Variants in THNSL2 observed in about 807,000 individuals in gnomAD.
THNSL2 encodes the protein threonine synthase like 2.
Under a neutral mutation model 40.0 loss-of-function variants are expected in THNSL2, and 34 were observed. That is an observed-to-expected ratio of 0.85 (90% CI 0.65 to 1.13). The LOEUF (loss-of-function observed/expected upper bound fraction) is 1.13, where lower values mean the gene tolerates loss of function less well. Among genes scored for constraint, THNSL2 ranks in the 50% most tolerant of loss-of-function variants. THNSL2 has a pLI of 0.00. For missense variants in THNSL2, 537 were observed against 608.8 expected, an observed-to-expected ratio of 0.88 and a Z score of 1.24; for synonymous variants, 241 against 247.5, an observed-to-expected ratio of 0.97 and a Z score of 0.25.
intron 5 of THNSL2, among the ~76,000 whole-genome samples, chr2:88,181,534 C>T (rs1677680322): frequency 8.1e-6 from 1 of 122,860 alleles, no homozygotes; most frequent in African/African-American, 3.1e-5. Context: ...TCTCCCCTCT[C>T]TCTCCCCTCT....
Position 88,175,383 on chromosome 2 carries a change from A to C in THNSL2, c.553A>C (p.Asn185His), listed in dbSNP as rs1676815575. Residue 185 changes from asparagine (N) to histidine (H), a missense_variant, in exon 4 of 9, where the codon AAC becomes CAC. Asn to His is a moderately conservative substitution (Grantham distance 68). Coordinates refer to ENST00000674334, the MANE Select transcript of THNSL2 (RefSeq NM_018271.5). ...ELQMTTVLKQ[N>H]VHVFGVEGNS... is the part of the protein sequence containing the mutation. Reference sequence around the variant, plus strand: ...CCAGATGACAACGGTGCTGAAGCAGAACGTACATGTGTTTGGAGGTGTGTG... The same window carrying C: ...CCAGATGACAACGGTGCTGAAGCAGCACGTACATGTGTTTGGAGGTGTGTG... The C allele has an allele frequency of 6.2e-7, 1 of 1,614,086 alleles. No individual in the cohort carries two copies. The highest frequency in any genetic ancestry group is 1.3e-5 in the African/African-American group (1 of 74,934).
chr2:88,175,152 T>A, intron 3 of THNSL2, 97 bp from the exon 4 acceptor site: 3 of 1,312,878 alleles, frequency 2.3e-6, no homozygotes, highest in Non-Finnish European at 3.1e-6. Flanking sequence ...TTGAAGTAGA[T>A]GTTGCTATAT....
At chr2:88,183,815 C>A (rs1045473532) in intron 7 of THNSL2, 3 of 151,996 alleles carry the variant, frequency 2.0e-5, no homozygotes, top group African/African-American at 7.3e-5. Context: ...CTGAAGCTGC[C>A]TTTAATTTTC....
At chr2:88,181,645 G>T (rs958495346) in intron 5 of THNSL2, among the ~76,000 whole-genome samples, 1 of 150,972 alleles carries the variant, frequency 6.6e-6, no homozygotes, top group African/African-American at 2.4e-5. Context: ...CACATTTTAA[G>T]TGTATGATTC....
At chr2:88,178,144 T>G (rs1425294853) in intron 4 of THNSL2, among the ~76,000 whole-genome samples, 2 of 152,212 alleles carry the variant, frequency 1.3e-5, no homozygotes, top group African/African-American at 4.8e-5. Context: ...TAACTTGTAT[T>G]AGTGGACAAT....
Position 88,185,480 on chromosome 2 carries a change from G to C in THNSL2, c.1229+1G>C. On this transcript the variant is annotated splice_donor_variant, in intron 8 of 8. Coordinates refer to ENST00000674334, the MANE Select transcript of THNSL2 (RefSeq NM_018271.5). LOFTEE classifies it high-confidence loss of function. Reference sequence around the variant, plus strand: ...AGCAGATAGACAGGCAGCAGCCCAGGTACAGGCAATGGGGGCCTGGGCCAC... The same window carrying C: ...AGCAGATAGACAGGCAGCAGCCCAGCTACAGGCAATGGGGGCCTGGGCCAC... 1 of 1,604,490 alleles carries C rather than the reference G, an allele frequency of 6.2e-7. No individual in the cohort carries two copies. Among genetic ancestry groups the C allele is most frequent in the Non-Finnish European group, 8.5e-7 (1 of 1,175,318 alleles).
chr2:88,177,580 G>A (rs1386882961), intron 4 of THNSL2, among the ~76,000 whole-genome samples: 1 of 152,076 alleles, frequency 6.6e-6, no homozygotes, highest in Non-Finnish European at 1.5e-5. Context: ...CAGGGGTGGA[G>A]TGGGCTTCCA....
In THNSL2 at chr2:88,183,046, G is replaced by A. The variant is rs551694414; in HGVS notation, c.1050G>A (p.Val350=). The stretch of plus-strand genomic sequence containing the variant: ...AGCAGTTTGAAAGGACCCAAAGTGT[G>A]AATCTGCCCAAGGAACTGCACAGCA... ...LMEQFERTQS[V]NLPKELHSKL... is the part of the protein sequence containing the mutation. Residue 350 remains valine, a synonymous_variant, in exon 7 of 9, where the codon GTG becomes GTA. Transcript: ENST00000674334. 1.3e-4 allele frequency: 202 copies of A among 1,613,520 alleles called. 1 individual carries two copies. In the South Asian group the frequency reaches 2.2e-3, roughly 17 times the overall value.
intron 1 of THNSL2, chr2:88,171,753 C>T (rs1420810806): frequency 6.1e-6 from 1 of 164,910 alleles, no homozygotes; most frequent in African/African-American, 2.4e-5. Flanking sequence ...TATTTCATCT[C>T]TTTGACATGG....
chr2:88,173,273 G>C lies in THNSL2; in HGVS notation c.123G>C (p.Gly41=), dbSNP rs1340040788. ...AAGAGCTCCCACAGTTGGACAGAGGGACCCTGTGCCAGTGGAGCACACTCT... is the reference window on the plus strand; with the variant it reads ...AAGAGCTCCCACAGTTGGACAGAGGCACCCTGTGCCAGTGGAGCACACTCT... ...MPEELPQLDR[G]TLCQWSTLSY... The change falls in exon 2 of 9, where the codon GGG becomes GGC. Residue 41 remains glycine, a synonymous_variant. Transcript: ENST00000674334. 3 of 1,612,370 alleles carry C rather than the reference G, an allele frequency of 1.9e-6. No individual in the cohort carries two copies. The Admixed American group carries it at 5.0e-5, about 27-fold the overall frequency.
chr2:88,185,596 G>A (rs1558901845), intron 8 of THNSL2, 117 bp downstream of exon 8: 4 of 1,551,596 alleles, frequency 2.6e-6, no homozygotes, highest in Non-Finnish European at 2.6e-6. Context: ...GGAGTGTGAT[G>A]GGTGCTGTGT....
intron 5 of THNSL2, 23 bp downstream of exon 5, chr2:88,179,036 A>G (rs1324929701): frequency 1.2e-6 from 2 of 1,612,268 alleles, no homozygotes; most frequent in Admixed American, 3.3e-5. Context: ...CGGGGCACAA[A>G]TGGGCTTTCC....
In THNSL2 at chr2:88,182,998, C is replaced by A. The variant is rs1298438021; in HGVS notation, c.1002C>A (p.Ser334Arg). 6.2e-7 allele frequency: 1 copy of A among 1,613,982 alleles called. No individual in the cohort carries two copies. Among genetic ancestry groups the A allele is most frequent in the African/African-American group, 1.3e-5 (1 of 74,884 alleles). The change falls in exon 7 of 9, where the codon AGC becomes AGA. Residue 334 changes from serine to arginine, a missense_variant. Transcript: ENST00000674334. ...RVFWLLSGSD[S>R]QVTRALMEQF... ...TCTGGCTGCTCTCTGGCTCTGACAG[C>A]CAGGTGACAAGAGCCCTCATGGAGC...
intron 4 of THNSL2, chr2:88,175,892 G>GC (rs1553462174): frequency 6.5e-6 from 1 of 153,410 alleles, no homozygotes; most frequent in Non-Finnish European, 1.5e-5. Flanking sequence ...CAGCCCAGGA[G>GC]TTTGAGACCA....
At position 88,186,614 on chromosome 2, in the gene THNSL2, C is replaced by T. The variant is rs1247430167; in HGVS notation, c.*491C>T. The stretch of plus-strand genomic sequence containing the variant: ...TGTTGGGAATCCCTGGAATAAAATG[C>T]TTGTTCAGTGTGATGGAGCGGCACG... On this transcript the variant is annotated 3_prime_UTR_variant, in exon 9 of 9. Transcript: ENST00000674334. 2.2e-5 allele frequency: 4 copies of T among 179,546 alleles called. No individual in the cohort carries two copies. Among genetic ancestry groups the T allele is most frequent in the African/African-American group, 4.7e-5 (2 of 42,832 alleles). 11.1% of individuals were successfully genotyped at this position (179,546 alleles called of 1,614,324 possible).
In THNSL2 at chr2:88,173,175, G is replaced by A. The variant is rs775208851; in HGVS notation, c.25G>A (p.Val9Ile). The change falls in exon 2 of 9, where the codon GTA becomes ATA. Residue 9 changes from valine to isoleucine, a missense_variant. Transcript: ENST00000674334. MWYVSTRG[V>I]APRVNFEGAL... ...CATGTGGTATGTCAGCACCAGGGGC[G>A]TAGCCCCACGGGTCAACTTTGAGGG... 1.2e-5 allele frequency: 19 copies of A among 1,587,750 alleles called. No individual in the cohort carries two copies. Among genetic ancestry groups the A allele is most frequent in the Middle Eastern group, 2.3e-4 (1 of 4,326 alleles).
In THNSL2 at chr2:88,183,070, C is replaced by G; in HGVS notation, c.1074C>G (p.Ser358Arg). ...QSVNLPKELH[S>R]KLSEAVTSVS... is the part of the protein sequence containing the mutation. The stretch of plus-strand genomic sequence containing the variant: ...TGAATCTGCCCAAGGAACTGCACAG[C>G]AAGGTCAGTCACTACCCACACACCA... The change falls in exon 7 of 9, where the codon AGC becomes AGG. Residue 358 changes from serine to arginine, a missense_variant. Ser to Arg is a moderately radical substitution (Grantham distance 110, BLOSUM62 -1). Coordinates refer to ENST00000674334, the MANE Select transcript of THNSL2 (RefSeq NM_018271.5). 1 of 1,612,326 alleles carries G rather than the reference C, an allele frequency of 6.2e-7. No homozygotes were observed. Among genetic ancestry groups the G allele is most frequent in the South Asian group, 1.1e-5 (1 of 90,974 alleles).
chr2:88,170,702 T>G (rs1400601024), intron 1 of THNSL2, among the ~76,000 whole-genome samples: 1 of 151,312 alleles, frequency 6.6e-6, no homozygotes, highest in Non-Finnish European at 1.5e-5. Context: ...GAAACTGAAG[T>G]CCGTGGTGTT....
chr2:88,171,264 G>A (rs1299117679), intron 1 of THNSL2: 1 of 456,478 alleles, frequency 2.2e-6, no homozygotes, highest in Non-Finnish European at 4.4e-6. Flanking sequence ...CCCCTGGAAG[G>A]CATTGGACAG....
Sources: gnomAD v4.1 joint callset for allele counts (sites outside exome capture counted in the v4.1 genomes callset) on GRCh38, gnomAD v4.1.1 for gene constraint, MANE v1.5 for transcripts, NCBI Gene and HGNC (gene_info 2026-07-23, HGNC 2026-07-21) for gene names.